SATB2: variants seen among roughly 807,000 people sequenced by gnomAD.
SATB2 encodes the protein DNA-binding protein SATB2.
Under a neutral mutation model 73.4 loss-of-function variants are expected in SATB2, and 1 was observed. The ratio of observed to expected loss-of-function variants is 0.01; its 90% confidence interval spans 0.00 to 0.06. The LOEUF (loss-of-function observed/expected upper bound fraction) is 0.06. SATB2 is among the 10% of genes least tolerant of loss of function. The pLI is 1.00. For missense variants in SATB2, 459 were observed against 945.8 expected (o/e 0.49, Z 6.75); for synonymous variants, 397 against 367.0 (o/e 1.08, Z -0.93).
At chr2:199,328,316 G>A (rs1465737750) in intron 8 of SATB2, among the ~76,000 whole-genome samples, 10 of 152,086 alleles carry the variant, frequency 6.6e-5, no homozygotes, top group Non-Finnish European at 1.5e-4. Flanking sequence ...CAAGGCAAGC[G>A]GATCACCTGA....
rs1015681962 is a variant in SATB2 at position 199,455,361 on chromosome 2, T to C, written c.169+508A>G. Among the ~76,000 whole-genome samples, 2 of 152,230 alleles carry C rather than the reference T, an allele frequency of 1.3e-5. No individual in the cohort carries two copies. The highest frequency in any genetic ancestry group is 2.4e-5 in the African/African-American group (1 of 41,464). On this transcript the variant is annotated intron_variant, in intron 2 of 10. Coordinates refer to ENST00000417098, the MANE Select transcript of SATB2 (RefSeq NM_001172509.2). This position sits in a 1 kb window ranked among gnomAD's most constrained non-coding sequence, Gnocchi z 4.1. ...GCCTGATGGATTCATGGTGATTCTT[T>C]ATTTCCCACATTTCACGTGGCAGGA...
At chr2:199,456,183 A>G in intron 1 of SATB2, 87 bp from the exon 2 acceptor site, 2 of 809,542 alleles carry the variant, frequency 2.5e-6, no homozygotes, top group East Asian at 5.3e-5. Flanking sequence ...GGCCAGTGGC[A>G]GAGCGCTGCA....
chr2:199,338,296 A>G (rs1305554238), intron 7 of SATB2, among the ~76,000 whole-genome samples: 1 of 152,046 alleles, frequency 6.6e-6, no homozygotes, highest in East Asian at 1.9e-4. Flanking sequence ...TGAACTCGGG[A>G]GGCAGAGGTT....
chr2:199,424,876 T>C lies in SATB2; in HGVS notation c.346+8462A>G, dbSNP rs965407203. Among the ~76,000 whole-genome samples the C allele has an allele frequency of 1.6e-4, 24 of 152,144 alleles. 1 individual carries two copies. Among genetic ancestry groups the C allele is most frequent in the African/African-American group, 5.5e-4 (23 of 41,448 alleles). Reference sequence around the variant, plus strand: ...ACTAGGAGTTATATCAATGGACAAGTTTAAATGTAAAGAATATATCAAAAA... The same window carrying C: ...ACTAGGAGTTATATCAATGGACAAGCTTAAATGTAAAGAATATATCAAAAA... On this transcript the variant is annotated intron_variant, in intron 3 of 10. Transcript: ENST00000417098.
At chr2:199,426,108 G>C (rs1340662893) in intron 3 of SATB2, among the ~76,000 whole-genome samples, 1 of 151,914 alleles carries the variant, frequency 6.6e-6, no homozygotes, top group Non-Finnish European at 1.5e-5. Flanking sequence ...TTAGCTCTAA[G>C]GCCTAAAATG....
chr2:199,448,756 T>A (rs1692037967), intron 2 of SATB2, among the ~76,000 whole-genome samples: 1 of 152,282 alleles, frequency 6.6e-6, no homozygotes, highest in East Asian at 1.9e-4. Flanking sequence ...TTGAAATGGA[T>A]CCCTTTTGAT....
chr2:199,436,270 T>C (rs1221329716), intron 2 of SATB2, among the ~76,000 whole-genome samples: 1 of 152,226 alleles, frequency 6.6e-6, no homozygotes, highest in Non-Finnish European at 1.5e-5. Flanking sequence ...CACAGGGATC[T>C]ATAACATGTA....
intron 3 of SATB2, among the ~76,000 whole-genome samples, chr2:199,408,591 G>A (rs182439697): frequency 1.8e-4 from 27 of 151,080 alleles, no homozygotes; most frequent in Admixed American, 1.1e-3. Context: ...GGTAAAAACC[G>A]CAATTACTTT....
intron 3 of SATB2, among the ~76,000 whole-genome samples, chr2:199,410,744 T>G (rs1487894073): frequency 6.6e-6 from 1 of 152,210 alleles, no homozygotes; most frequent in Non-Finnish European, 1.5e-5. Flanking sequence ...TGCAATGTAC[T>G]ACACAGGAAT....
At chr2:199,310,244 T>A (rs1687559787) in intron 9 of SATB2, among the ~76,000 whole-genome samples, 2 of 152,228 alleles carry the variant, frequency 1.3e-5, no homozygotes, top group African/African-American at 4.8e-5. Context: ...AACTAATCTG[T>A]AACACAACAC....
At chr2:199,277,477 T>A (rs1692351535) in intron 10 of SATB2, among the ~76,000 whole-genome samples, 1 of 152,232 alleles carries the variant, frequency 6.6e-6, no homozygotes, top group African/African-American at 2.4e-5. Context: ...TCCTTTTTAC[T>A]CTTGATCTTT....
chr2:199,392,571 A>T (rs1690178228), intron 3 of SATB2, among the ~76,000 whole-genome samples: 1 of 152,174 alleles, frequency 6.6e-6, no homozygotes, highest in African/African-American at 2.4e-5. Flanking sequence ...CCTAAAATAC[A>T]GTGGGTGTGT....
At chr2:199,409,160 T>C (rs111232866) in intron 3 of SATB2, among the ~76,000 whole-genome samples, 51 of 143,458 alleles carry the variant, frequency 3.6e-4, no homozygotes, top group African/African-American at 1.2e-3. Flanking sequence ...ATTTTCTTTT[T>C]TCTTTTCTTT....
At chr2:199,400,625 A>G (rs913152678) in intron 3 of SATB2, among the ~76,000 whole-genome samples, 2 of 152,242 alleles carry the variant, frequency 1.3e-5, no homozygotes, top group Non-Finnish European at 2.9e-5. Flanking sequence ...AATATCATGA[A>G]TGAAGAGTCT....
rs568444743 is a variant in SATB2, at chr2:199,302,215, A to C, written c.1740+6545T>G. The stretch of plus-strand genomic sequence containing the variant: ...ATGTCTAATCTACTGACTGTAATGA[A>C]CTTCTTCAGCTTTGTGATTATCACT... On this transcript the variant is annotated intron_variant, in intron 10 of 10. Coordinates refer to ENST00000417098, the MANE Select transcript of SATB2 (RefSeq NM_001172509.2). Among the ~76,000 whole-genome samples the C allele has an allele frequency of 2.6e-5, 4 of 152,252 alleles. No individual in the cohort carries two copies. In the South Asian group the frequency reaches 8.3e-4, roughly 32 times the overall value.
intron 7 of SATB2, among the ~76,000 whole-genome samples, chr2:199,339,026 C>T (rs1279033552): frequency 6.6e-6 from 1 of 151,866 alleles, no homozygotes; most frequent in African/African-American, 2.4e-5. Flanking sequence ...AAAGAAAGGT[C>T]TTCTTTTACA....
In SATB2 at chr2:199,455,880, T is replaced by C; in HGVS notation, c.158A>G (p.Lys53Arg). 6.5e-7 allele frequency: 1 copy of C among 1,537,304 alleles called. No individual in the cohort carries two copies. Among genetic ancestry groups the C allele is most frequent in the Non-Finnish European group, 8.7e-7 (1 of 1,148,012 alleles). ...ARGRPNGAVA[K>R]AVGGLMIPVF... The stretch of plus-strand genomic sequence containing the variant: ...CTCCGGGCTGTTACCTCCCACGGCC[T>C]TGGCCACGGCGCCGTTGGGCCTCCC... Residue 53 changes from lysine to arginine, a missense_variant, in exon 2 of 11, where the codon AAG becomes AGG. Transcript: ENST00000417098. The surrounding 1 kb of genome is among the most constrained non-coding windows in gnomAD (Gnocchi z 4.1).
At chr2:199,422,410 T>C (rs933674393) in intron 3 of SATB2, among the ~76,000 whole-genome samples, 1 of 151,944 alleles carries the variant, frequency 6.6e-6, no homozygotes, top group African/African-American at 2.4e-5. Flanking sequence ...AAAAATAGGG[T>C]CTAACAAAAC....
Position 199,380,409 on chromosome 2 carries a change from T to C in SATB2, c.552A>G (p.Lys184=), listed in dbSNP as rs1043699576. Residue 184 remains lysine (K), a synonymous_variant, in exon 5 of 11, where the codon AAA becomes AAG. Transcript: ENST00000417098. ...TVRNALKELL[K]EMNQSTLAKE... is the part of the protein sequence containing the mutation. ...TGGCTAATGTGCTCTGGTTCATCTCTTTGAGCAGTTCCTTTAAGGCATTGC... is the reference window on the plus strand; with the variant it reads ...TGGCTAATGTGCTCTGGTTCATCTCCTTGAGCAGTTCCTTTAAGGCATTGC... 7.4e-6 allele frequency: 12 copies of C among 1,613,960 alleles called. No homozygotes were observed. Among genetic ancestry groups the C allele is most frequent in the Non-Finnish European group, 1.0e-5 (12 of 1,179,832 alleles).
Sources: allele counts gnomAD v4.1 joint callset (sites outside exome capture counted in the v4.1 genomes callset), GRCh38; gene constraint gnomAD v4.1.1; non-coding constraint Gnocchi (gnomAD v3.1); transcripts MANE v1.5; gene names NCBI Gene and HGNC (gene_info 2026-07-23, HGNC 2026-07-21).